ARHGAP12: variants seen among roughly 807,000 people sequenced by gnomAD.
ARHGAP12 encodes rho GTPase-activating protein 12.
In ARHGAP12, 64 loss-of-function variants were observed where a neutral mutation model predicts 108.6. The ratio of observed to expected loss-of-function variants is 0.59; its 90% CI spans 0.48 to 0.73. ARHGAP12 has a LOEUF of 0.73. Among genes scored for constraint, ARHGAP12 ranks in the 30% least tolerant of loss-of-function variants. The pLI, the probability that ARHGAP12 is intolerant of heterozygous loss-of-function variation, is 0.00. For synonymous variants in ARHGAP12, 312 were observed against 337.2 expected, an observed-to-expected ratio of 0.93 and a Z score of 0.82; for missense variants, 940 against 1,005.9, an observed-to-expected ratio of 0.93 and a Z score of 0.89.
intron 7 of ARHGAP12, among the ~76,000 whole-genome samples, chr10:31,839,945 A>G (rs1045616006): frequency 6.6e-6 from 1 of 152,142 alleles, no homozygotes; most frequent in Admixed American, 6.5e-5. Flanking sequence ...AATAATGCAT[A>G]TGGAATTACT....
At chr10:31,825,142 C>A (rs1295334222) in intron 11 of ARHGAP12, among the ~76,000 whole-genome samples, 3 of 152,090 alleles carry the variant, frequency 2.0e-5, no homozygotes, top group African/African-American at 7.2e-5. Context: ...CTAGAATGTT[C>A]ACATCCGTGC....
chr10:31,846,599 A>C (rs1009058884), intron 6 of ARHGAP12, among the ~76,000 whole-genome samples: 2 of 152,182 alleles, frequency 1.3e-5, no homozygotes, highest in Non-Finnish European at 2.9e-5. Flanking sequence ...ATTATCCTAA[A>C]GGTAAAGTGT....
intron 1 of ARHGAP12, chr10:31,913,254 GTCTT>G (rs1189959632): frequency 1.3e-5 from 2 of 154,062 alleles, no homozygotes; most frequent in South Asian, 2.0e-4. Flanking sequence ...GCTTCTAAGG[GTCTT>G]TCTAAGAAGC....
At chr10:31,914,055 T>G (rs1035965811) in intron 1 of ARHGAP12, among the ~76,000 whole-genome samples, 20 of 152,216 alleles carry the variant, frequency 1.3e-4, no homozygotes, top group African/African-American at 4.8e-4. Flanking sequence ...GCAGCTTACA[T>G]GAAATAATTG....
chr10:31,866,826 C>T (rs1005803225), intron 3 of ARHGAP12, among the ~76,000 whole-genome samples: 1 of 152,070 alleles, frequency 6.6e-6, no homozygotes, highest in Non-Finnish European at 1.5e-5. Flanking sequence ...CATGTTGGGT[C>T]AGGCTGGTCT....
At position 31,916,278 on chromosome 10, in the gene ARHGAP12, A is replaced by T. The variant is rs559306325; in HGVS notation, c.-110-5715T>A. Among the ~76,000 whole-genome samples the T allele has an allele frequency of 4.6e-5, 7 of 152,154 alleles. No individual in the cohort carries two copies. The South Asian group carries it at 1.5e-3, about 32-fold the overall frequency. ...TTAGCAGTCTCAAAAACGCCCATACAAGCTTTTCATGCCTCTTACCAGTCT... is the reference window on the plus strand; with the variant it reads ...TTAGCAGTCTCAAAAACGCCCATACTAGCTTTTCATGCCTCTTACCAGTCT... On this transcript the variant is annotated intron_variant, in intron 1 of 19. Coordinates refer to ENST00000344936, the MANE Select transcript of ARHGAP12 (RefSeq NM_018287.7).
chr10:31,927,359 C>T (rs931432538), intron 1 of ARHGAP12, among the ~76,000 whole-genome samples: 1 of 152,168 alleles, frequency 6.6e-6, no homozygotes, highest in Non-Finnish European at 1.5e-5. Context: ...GGCCATCGTT[C>T]CCGACTTTTA....
chr10:31,830,860 C>T (rs1029023148), intron 10 of ARHGAP12, among the ~76,000 whole-genome samples: 3 of 152,190 alleles, frequency 2.0e-5, no homozygotes, highest in Admixed American at 1.3e-4. Context: ...TTTCTCTCTT[C>T]TCTCTCCTGG....
At chr10:31,810,790 A>G in intron 15 of ARHGAP12, 43 bp from the exon 16 acceptor site, 2 of 1,461,314 alleles carry the variant, frequency 1.4e-6, no homozygotes, top group Non-Finnish European at 1.9e-6. Context: ...CCTTGCTGAA[A>G]TTCAGTTCAT....
intron 18 of ARHGAP12, 51 bp downstream of exon 18, chr10:31,808,943 T>A: frequency 6.6e-7 from 1 of 1,513,032 alleles, no homozygotes; most frequent in Non-Finnish European, 9.0e-7. Flanking sequence ...GCTTAATCTG[T>A]GCAAAGAATT....
At chr10:31,888,915 C>CAT (rs572324412) in intron 3 of ARHGAP12, among the ~76,000 whole-genome samples, 1 of 146,978 alleles carries the variant, frequency 6.8e-6, no homozygotes, top group Non-Finnish European at 1.5e-5. Context: ...CATAAGAGGA[C>CAT]TTTTTTTTTT....
chr10:31,849,133 G>C (rs1836577223), intron 6 of ARHGAP12, among the ~76,000 whole-genome samples: 1 of 151,554 alleles, frequency 6.6e-6, no homozygotes, highest in South Asian at 2.1e-4. Flanking sequence ...TATGATAATA[G>C]CATTGGATTT....
intron 12 of ARHGAP12, among the ~76,000 whole-genome samples, chr10:31,819,753 C>A (rs1835340116): frequency 1.3e-5 from 2 of 152,094 alleles, no homozygotes; most frequent in South Asian, 4.1e-4. Context: ...CCAATCAAGC[C>A]ACTAGACGAC....
intron 1 of ARHGAP12, among the ~76,000 whole-genome samples, chr10:31,919,818 C>CA (rs1354283458): frequency 7.3e-6 from 1 of 137,522 alleles, no homozygotes; most frequent in Non-Finnish European, 1.6e-5. Context: ...CCAAAAAAAA[C>CA]AAAAAACAAG....
intron 1 of ARHGAP12, among the ~76,000 whole-genome samples, chr10:31,917,331 A>G (rs11817598): frequency 0.46 from 70,502 of 151,960 alleles, 16,608 homozygotes; most frequent in Middle Eastern, 0.51. Flanking sequence ...TATCTTGAAC[A>G]GGAGGCAGAG....
At chr10:31,841,235 A>C (rs562284683) in intron 7 of ARHGAP12, among the ~76,000 whole-genome samples, 1 of 152,214 alleles carries the variant, frequency 6.6e-6, no homozygotes, top group East Asian at 1.9e-4. Context: ...TTTAGTAAAA[A>C]CAGAAAAAAA....
rs992514575 is a variant in ARHGAP12 at position 31,834,938 on chromosome 10, C to T, written c.1387-3138G>A. ...ATTTAAGGCAGGGCACGGTGGCTCACGCCTGTAATCTCAGCACTTTGGGAG... is the reference window on the plus strand; with the variant it reads ...ATTTAAGGCAGGGCACGGTGGCTCATGCCTGTAATCTCAGCACTTTGGGAG... On this transcript the variant is annotated intron_variant, in intron 9 of 19. Transcript: ENST00000344936. Among the ~76,000 whole-genome samples, 10 of 152,092 alleles carry T rather than the reference C, an allele frequency of 6.6e-5. No individual in the cohort carries two copies. The South Asian group carries it at 2.1e-3, about 32-fold the overall frequency.
intron 9 of ARHGAP12, among the ~76,000 whole-genome samples, chr10:31,834,168 T>C (rs1315216489): frequency 6.6e-6 from 1 of 152,208 alleles, no homozygotes; most frequent in Non-Finnish European, 1.5e-5. Context: ...GGGCTTTTCC[T>C]GACCACTTTT....
intron 3 of ARHGAP12, among the ~76,000 whole-genome samples, chr10:31,873,793 C>G (rs1837624681): frequency 6.6e-6 from 1 of 152,108 alleles, no homozygotes; most frequent in Non-Finnish European, 1.5e-5. Flanking sequence ...TTGATGAAAC[C>G]TCATTATTAA....
Sources: allele counts gnomAD v4.1 joint callset (sites outside exome capture counted in the v4.1 genomes callset), GRCh38; gene constraint gnomAD v4.1.1; transcripts MANE v1.5; gene names NCBI Gene and HGNC (gene_info 2026-07-23, HGNC 2026-07-21).